The following MTHFD2L variants were observed in gnomAD, a reference collection of about 807,000 sequenced individuals.
MTHFD2L encodes methylenetetrahydrofolate dehydrogenase (NADP+ dependent) 2 like, also known as bifunctional methylenetetrahydrofolate dehydrogenase/cyclohydrolase 2, mitochondrial.
MTHFD2L carries 29 observed loss-of-function variants against 34.9 expected under a neutral mutation model. That is an observed-to-expected ratio of 0.83 (90% CI 0.62 to 1.13). The LOEUF is 1.13. Among genes scored for constraint, MTHFD2L ranks in the 50% most tolerant of loss-of-function variants. MTHFD2L has a pLI of 0.00. For missense variants in MTHFD2L, 481 were observed against 446.5 expected, an observed-to-expected ratio of 1.08 and a Z score of -0.70; for synonymous variants, 167 against 155.7, an observed-to-expected ratio of 1.07 and a Z score of -0.54.
In MTHFD2L at chr4:74,150,650, C is replaced by G. The variant is rs529548198; in HGVS notation, c.-296-9405C>G. Among the ~76,000 whole-genome samples, 5 of 150,692 alleles carry G rather than the reference C, an allele frequency of 3.3e-5. No homozygotes were observed. In the South Asian group the frequency reaches 1.0e-3, roughly 31 times the overall value. ...TATTATTTGCATATTATTTTCTGCT[C>G]CAAACATTATCCCATAACTTAAAAA... On this transcript the variant is annotated intron_variant, in intron 1 of 7. Coordinates refer to the MTHFD2L transcript ENST00000433372.
rs561651555 is a variant in MTHFD2L at position 74,173,933 on chromosome 4, T to C, written c.144-573T>C. On this transcript the variant is annotated intron_variant, in intron 1 of 7. Transcript: ENST00000325278. ...GTACACTGTCGTTAGCATCTTAGTC[T>C]ATTTGAGCTGCTATAACAGAATACT... Among the ~76,000 whole-genome samples the C allele has an allele frequency of 5.3e-5, 8 of 152,308 alleles. No individual in the cohort carries two copies. The East Asian group carries it at 1.2e-3, about 22-fold the overall frequency.
chr4:74,218,227 TC>T (rs1737529763), intron 5 of MTHFD2L, among the ~76,000 whole-genome samples: 1 of 152,144 alleles, frequency 6.6e-6, no homozygotes, highest in Non-Finnish European at 1.5e-5. Flanking sequence ...GTGAAATCTT[TC>T]TATAAGTAAA....
chr4:74,248,607 T>C (rs1453063676), intron 6 of MTHFD2L, among the ~76,000 whole-genome samples: 3 of 148,882 alleles, frequency 2.0e-5, no homozygotes, highest in Non-Finnish European at 4.5e-5. Context: ...TGCTTTCTCT[T>C]GTGGGCATTT....
intron 6 of MTHFD2L, among the ~76,000 whole-genome samples, chr4:74,261,017 A>AAT (rs1224055645): frequency 0.011 from 1,555 of 140,054 alleles, 12 homozygotes; most frequent in African/African-American, 0.022. Flanking sequence ...AATAGAAAAA[A>AAT]ATATATATAT....
At chr4:74,281,353 T>A in intron 6 of MTHFD2L, 72 bp from the exon 7 acceptor site, 1 of 1,098,142 alleles carries the variant, frequency 9.1e-7, no homozygotes, top group Non-Finnish European at 1.2e-6. Flanking sequence ...GTGTGTGTAT[T>A]TTTAAAGCCT....
intron 6 of MTHFD2L, among the ~76,000 whole-genome samples, chr4:74,262,198 C>G (rs990701508): frequency 3.3e-5 from 5 of 151,872 alleles, no homozygotes; most frequent in Admixed American, 1.3e-4. Flanking sequence ...GGAAAAAAAT[C>G]TAGTTAAACT....
chr4:74,284,813 C>A (rs1181986788), intron 7 of MTHFD2L, among the ~76,000 whole-genome samples: 1 of 151,962 alleles, frequency 6.6e-6, no homozygotes, highest in African/African-American at 2.4e-5. Context: ...CTAGAAATAC[C>A]AATTGACCCA....
intron 7 of MTHFD2L, among the ~76,000 whole-genome samples, chr4:74,299,903 C>T (rs1169821406): frequency 6.6e-6 from 1 of 151,928 alleles, no homozygotes; most frequent in African/African-American, 2.4e-5. Context: ...CAATTCAACA[C>T]TGGAGGAATG....
intron 5 of MTHFD2L, among the ~76,000 whole-genome samples, chr4:74,203,998 C>T (rs1734894030): frequency 6.6e-6 from 1 of 151,964 alleles, no homozygotes; most frequent in Admixed American, 6.6e-5. Context: ...AAACCATCCT[C>T]ATTAATTCTC....
At chr4:74,225,867 T>C (rs1739072735) in intron 6 of MTHFD2L, among the ~76,000 whole-genome samples, 1 of 152,156 alleles carries the variant, frequency 6.6e-6, no homozygotes, top group African/African-American at 2.4e-5. Flanking sequence ...GAAAAGTTGA[T>C]GGATGAGACC....
rs181744780 is a variant in MTHFD2L at position 74,205,495 on chromosome 4, A to G, written c.712+4125A>G. ...TAATTGTACTAGAAGAAAAATGACC[A>G]TACTGTAATTTAGCTTGATTAATAT... On this transcript the variant is annotated intron_variant, in intron 5 of 7. Coordinates refer to ENST00000325278, the MANE Select transcript of MTHFD2L (RefSeq NM_001144978.3). Among the ~76,000 whole-genome samples the G allele has an allele frequency of 1.4e-4, 22 of 152,334 alleles. 1 individual carries two copies. The East Asian group carries it at 3.9e-3, about 27-fold the overall frequency.
At chr4:74,239,893 T>G (rs1239232934) in intron 6 of MTHFD2L, among the ~76,000 whole-genome samples, 1 of 152,196 alleles carries the variant, frequency 6.6e-6, no homozygotes, top group Non-Finnish European at 1.5e-5. Context: ...TCCTTGTCTC[T>G]GTAAAATACA....
At chr4:74,260,103 G>C (rs1325524220) in intron 6 of MTHFD2L, among the ~76,000 whole-genome samples, 3 of 152,200 alleles carry the variant, frequency 2.0e-5, no homozygotes. Flanking sequence ...AACTCTCCTG[G>C]AAGTTCTCTG....
At chr4:74,180,780 G>T (rs1379851594) in intron 3 of MTHFD2L, 1 of 415,836 alleles carries the variant, frequency 2.4e-6, no homozygotes. Context: ...AAGCTAAGGA[G>T]AAATAAAAAT....
intron 3 of MTHFD2L, among the ~76,000 whole-genome samples, chr4:74,179,215 T>G (rs1395177490): frequency 6.6e-6 from 1 of 152,026 alleles, no homozygotes; most frequent in Admixed American, 6.6e-5. Context: ...TCTTGTTACG[T>G]TTTACTGTCT....
chr4:74,297,985 G>T (rs1749828523), intron 7 of MTHFD2L, among the ~76,000 whole-genome samples: 1 of 151,984 alleles, frequency 6.6e-6, no homozygotes, highest in Non-Finnish European at 1.5e-5. Context: ...AATGGGCAAA[G>T]AATATATTAA....
chr4:74,221,349 A>T (rs1473735028), intron 5 of MTHFD2L, among the ~76,000 whole-genome samples: 1 of 151,792 alleles, frequency 6.6e-6, no homozygotes, highest in Non-Finnish European at 1.5e-5. Flanking sequence ...TTGATCTGTC[A>T]TGAACTGAGA....
intron 3 of MTHFD2L, among the ~76,000 whole-genome samples, chr4:74,189,868 G>A (rs955433511): frequency 6.6e-5 from 10 of 151,658 alleles, no homozygotes; most frequent in African/African-American, 2.4e-4. Context: ...AAAATCAAAA[G>A]GCCCTATGGA....
chr4:74,257,218 C>T (rs1744137780), intron 6 of MTHFD2L, among the ~76,000 whole-genome samples: 1 of 152,054 alleles, frequency 6.6e-6, no homozygotes, highest in Non-Finnish European at 1.5e-5. Flanking sequence ...ATGTGCTTGG[C>T]TATTGTAAAT....
Sources: gnomAD v4.1 joint callset for allele counts (sites outside exome capture counted in the v4.1 genomes callset) on GRCh38, gnomAD v4.1.1 for gene constraint, MANE v1.5 for transcripts, NCBI Gene and HGNC (gene_info 2026-07-23, HGNC 2026-07-21) for gene names.